Variants in ASIC2 observed in about 807,000 individuals in gnomAD.
ASIC2 encodes acid-sensing ion channel 2.
ASIC2 carries 25 observed loss-of-function variants against 57.3 expected under a neutral mutation model. The observed-to-expected ratio is 0.44, with a 90% confidence interval of 0.32 to 0.61. ASIC2 has a LOEUF of 0.61. Ranked by LOEUF, ASIC2 falls within the 20% of genes least tolerant of loss-of-function variation. The pLI, the probability that ASIC2 is intolerant of heterozygous loss-of-function variation, is 0.06. For synonymous variants in ASIC2, 319 were observed against 307.5 expected, an observed-to-expected ratio of 1.04 and a Z score of -0.39; for missense variants, 641 against 738.1, an observed-to-expected ratio of 0.87 and a Z score of 1.52.
chr17:33,203,579 A>G (rs1030525722), intron 1 of ASIC2, among the ~76,000 whole-genome samples: 1 of 151,450 alleles, frequency 6.6e-6, no homozygotes, highest in African/African-American at 2.4e-5. Flanking sequence ...TTTTTATTCC[A>G]CTCAACTGAG....
At chr17:34,011,647 C>A (rs990635498) in intron 1 of ASIC2, among the ~76,000 whole-genome samples, 1 of 152,164 alleles carries the variant, frequency 6.6e-6, no homozygotes, top group Non-Finnish European at 1.5e-5. Context: ...CCTCCCAGCA[C>A]TCCTCAGCCC....
chr17:33,775,931 GAGACC>G (rs1472095649), intron 1 of ASIC2, among the ~76,000 whole-genome samples: 14 of 152,070 alleles, frequency 9.2e-5, no homozygotes, highest in Admixed American at 9.2e-4. Context: ...TCAGGAGTTC[GAGACC>G]AGCTTGACTG....
intron 1 of ASIC2, among the ~76,000 whole-genome samples, chr17:33,391,176 TG>T (rs1909875573): frequency 1.3e-5 from 2 of 152,198 alleles, no homozygotes; most frequent in South Asian, 4.1e-4. Flanking sequence ...TTATAGATGA[TG>T]AAAAATACAT....
chr17:34,115,451 A>C (rs1177430560), intron 1 of ASIC2, among the ~76,000 whole-genome samples: 2 of 152,192 alleles, frequency 1.3e-5, no homozygotes, highest in East Asian at 3.9e-4. Flanking sequence ...CCTACCACCC[A>C]AAGAAACCAT....
intron 1 of ASIC2, among the ~76,000 whole-genome samples, chr17:33,352,669 G>T (rs768549938): frequency 1.2e-4 from 18 of 152,128 alleles, no homozygotes; most frequent in Non-Finnish European, 2.1e-4. Context: ...TGTTCTCCAT[G>T]ACTGACTCCT....
chr17:33,924,486 G>A (rs1915781186), intron 1 of ASIC2, among the ~76,000 whole-genome samples: 1 of 152,350 alleles, frequency 6.6e-6, no homozygotes, highest in East Asian at 1.9e-4. Context: ...ATTCATGCTA[G>A]GAAAGCATTC....
In ASIC2 at chr17:34,130,887, A is replaced by G. The variant is rs1324362302; in HGVS notation, c.555+25091T>C. Reference sequence around the variant, plus strand: ...TACGGCCACTCTGATGCCTGCCCTTAGGTAAAAAGCACCAAGGCATTTATT... The same window carrying G: ...TACGGCCACTCTGATGCCTGCCCTTGGGTAAAAAGCACCAAGGCATTTATT... On this transcript the variant is annotated intron_variant, in intron 1 of 9. Coordinates refer to the ASIC2 transcript ENST00000359872. Among the ~76,000 whole-genome samples the G allele has an allele frequency of 3.9e-5, 6 of 152,370 alleles. No homozygotes were observed. In the South Asian group the frequency reaches 8.3e-4, roughly 21 times the overall value.
At chr17:33,835,311 T>C (rs1175171360) in intron 1 of ASIC2, among the ~76,000 whole-genome samples, 3 of 152,214 alleles carry the variant, frequency 2.0e-5, no homozygotes, top group African/African-American at 7.2e-5. Context: ...AATCTGTTTT[T>C]CATCTCTTAC....
At chr17:33,564,986 G>C (rs1916189466) in intron 1 of ASIC2, among the ~76,000 whole-genome samples, 1 of 152,182 alleles carries the variant, frequency 6.6e-6, no homozygotes, top group Non-Finnish European at 1.5e-5. Context: ...TAGAAACAAT[G>C]CTAATGACTG....
chr17:34,025,308 C>T (rs1015606180), intron 1 of ASIC2, among the ~76,000 whole-genome samples: 3 of 152,106 alleles, frequency 2.0e-5, no homozygotes, highest in African/African-American at 7.3e-5. Flanking sequence ...AGATTAGTTC[C>T]ATCAACATTT....
intron 1 of ASIC2, among the ~76,000 whole-genome samples, chr17:33,938,353 C>A (rs146482888): frequency 6.6e-6 from 1 of 152,134 alleles, no homozygotes; most frequent in Non-Finnish European, 1.5e-5. Flanking sequence ...CTCCCACCAA[C>A]GCTAGAGGCT....
At chr17:34,042,357 ATAC>A (rs1191490080) in intron 1 of ASIC2, among the ~76,000 whole-genome samples, 1 of 152,206 alleles carries the variant, frequency 6.6e-6, no homozygotes, top group Admixed American at 6.6e-5. Flanking sequence ...AAACAATAGA[ATAC>A]TACTCAACAA....
At chr17:33,700,426 A>T (rs1329152370) in intron 1 of ASIC2, among the ~76,000 whole-genome samples, 2 of 152,202 alleles carry the variant, frequency 1.3e-5, no homozygotes, top group Non-Finnish European at 2.9e-5. Context: ...GCAAAATCAA[A>T]TTCTGTCCTG....
At chr17:33,102,271 C>T (rs947189236) in intron 2 of ASIC2, among the ~76,000 whole-genome samples, 3 of 152,222 alleles carry the variant, frequency 2.0e-5, no homozygotes, top group Non-Finnish European at 2.9e-5. Flanking sequence ...AAGAAAGCGT[C>T]CCCCTCCAGA....
At chr17:33,434,622 A>T (rs1911540777) in intron 1 of ASIC2, among the ~76,000 whole-genome samples, 1 of 152,256 alleles carries the variant, frequency 6.6e-6, no homozygotes, top group South Asian at 2.1e-4. Flanking sequence ...ACTTTTATGT[A>T]CAAAGGACAT....
At chr17:33,541,923 T>C (rs1841605968) in intron 1 of ASIC2, among the ~76,000 whole-genome samples, 1 of 152,194 alleles carries the variant, frequency 6.6e-6, no homozygotes, top group African/African-American at 2.4e-5. Context: ...TTACAAGCTG[T>C]GATCTTAGGC....
chr17:33,118,227 G>A (rs146522987), intron 1 of ASIC2, among the ~76,000 whole-genome samples: 139 of 152,256 alleles, frequency 9.1e-4, no homozygotes, highest in African/African-American at 3.2e-3. Flanking sequence ...GAGTCTCATT[G>A]GTCCTCCAGT....
intron 1 of ASIC2, among the ~76,000 whole-genome samples, chr17:33,616,567 T>G (rs1905611127): frequency 6.6e-6 from 1 of 152,240 alleles, no homozygotes; most frequent in Non-Finnish European, 1.5e-5. Flanking sequence ...ATAACCTAGT[T>G]GACTGATTCT....
At chr17:33,415,033 T>C (rs1284928699) in intron 1 of ASIC2, among the ~76,000 whole-genome samples, 1 of 152,224 alleles carries the variant, frequency 6.6e-6, no homozygotes. Flanking sequence ...ACTGTCCTCA[T>C]ACTAGTGGAG....
Sources: gnomAD v4.1 joint callset for allele counts (sites outside exome capture counted in the v4.1 genomes callset) on GRCh38, gnomAD v4.1.1 for gene constraint, MANE v1.5 for transcripts, NCBI Gene and HGNC (gene_info 2026-07-23, HGNC 2026-07-21) for gene names.